CFAP54: variants seen among roughly 807,000 people sequenced by gnomAD.
CFAP54 encodes cilia and flagella associated protein 54, also known as cilia- and flagella-associated protein 54.
Under a neutral mutation model 370.4 loss-of-function variants are expected in CFAP54, and 290 were observed. That is an observed-to-expected ratio of 0.78 (90% CI 0.71 to 0.86). The LOEUF (loss-of-function observed/expected upper bound fraction) is 0.86, where lower values mean the gene tolerates loss of function less well. Ranked by LOEUF, CFAP54 falls within the 40% of genes least tolerant of loss-of-function variation. CFAP54 has a pLI of 0.00. For synonymous variants in CFAP54, 1,206 were observed against 1,236.5 expected (o/e 0.98, Z 0.52); for missense variants, 3,399 against 3,528.7 (o/e 0.96, Z 0.93).
intron 66 of CFAP54, among the ~76,000 whole-genome samples, chr12:96,853,946 A>C (rs986953741): frequency 6.6e-6 from 1 of 151,890 alleles, no homozygotes; most frequent in Non-Finnish European, 1.5e-5. Context: ...TGTATCTAGT[A>C]TATAAATTAT....
intron 50 of CFAP54, among the ~76,000 whole-genome samples, chr12:96,723,924 C>G (rs998053651): frequency 1.4e-5 from 2 of 147,092 alleles, no homozygotes; most frequent in African/African-American, 2.5e-5. Flanking sequence ...TGAGAACATG[C>G]GGTGTTTGGT....
chr12:96,704,433 A>G (rs1957523925), intron 46 of CFAP54, among the ~76,000 whole-genome samples: 2 of 129,962 alleles, frequency 1.5e-5, no homozygotes, highest in African/African-American at 2.9e-5. Flanking sequence ...TCTAAAAAAA[A>G]AAAAAAAAAT....
rs1955735141 is a variant in CFAP54, at chr12:96,554,794, A to G, written c.2402A>G (p.Lys801Arg). 1 of 1,533,420 alleles carries G rather than the reference A, an allele frequency of 6.5e-7. No homozygotes were observed. Among genetic ancestry groups the G allele is most frequent in the East Asian group, 2.4e-5 (1 of 40,820 alleles). 95.0% of individuals were successfully genotyped at this position (1,533,420 alleles called of 1,614,324 possible). A position where few individuals can be genotyped will look rare whatever the true frequency, so the allele number is the denominator to read the frequency against. ...CGAATAGCTGTTGTGCTTCTGGACA[A>G]ATTGCAAGGTAGTAGTCACTAAAGC... Reference protein sequence around the residue: ...QHRIAVVLLDKLQVLQTPTVS... With the variant: ...QHRIAVVLLDRLQVLQTPTVS... Residue 801 changes from lysine (K) to arginine (R), a missense_variant, in exon 17 of 68, where the codon AAA (lysine) becomes AGA (arginine). Transcript: ENST00000524981.
intron 62 of CFAP54, among the ~76,000 whole-genome samples, chr12:96,791,714 G>A (rs919136597): frequency 3.3e-5 from 5 of 152,126 alleles, no homozygotes; most frequent in African/African-American, 1.2e-4. Context: ...AAACCAAATA[G>A]GTGTTCCTAG....
Position 96,663,773 on chromosome 12 carries a change from C to T in CFAP54, c.5461-57C>T, listed in dbSNP as rs567678659. 365 of 1,267,136 alleles carry T rather than the reference C, an allele frequency of 2.9e-4. 2 individuals carry two copies. The highest frequency in any genetic ancestry group is 2.1e-3 in the Admixed American group (102 of 49,448). 78.5% of individuals were successfully genotyped at this position (1,267,136 alleles called of 1,614,324 possible). ...AAATGAGAGAAACATTTCAAGTAAG[C>T]GAAATTTTTAACTATAAATACCCGA... is the stretch of plus-strand genomic sequence containing the variant. On this transcript the variant is annotated intron_variant, in intron 38 of 67. Transcript: ENST00000524981.
chr12:96,492,225 A>C (rs774632288), intron 1 of CFAP54, among the ~76,000 whole-genome samples: 1 of 152,052 alleles, frequency 6.6e-6, no homozygotes, highest in Non-Finnish European at 1.5e-5. Context: ...ATCTTATCTA[A>C]AGTCTTTCTA....
At chr12:96,684,834 T>C in intron 41 of CFAP54, 99 bp downstream of exon 41, 1 of 1,111,842 alleles carries the variant, frequency 9.0e-7, no homozygotes, top group Non-Finnish European at 1.3e-6. Context: ...TAAATTTTAG[T>C]TCTTCAACAA....
At chr12:96,613,599 CA>C (rs1176887736) in intron 26 of CFAP54, among the ~76,000 whole-genome samples, 1 of 151,770 alleles carries the variant, frequency 6.6e-6, no homozygotes, top group Non-Finnish European at 1.5e-5. Context: ...TTGAAAAGAC[CA>C]ACAAAATTGA....
chr12:96,524,204 T>C (rs1325712728), intron 8 of CFAP54, among the ~76,000 whole-genome samples: 1 of 152,226 alleles, frequency 6.6e-6, no homozygotes, highest in African/African-American at 2.4e-5. Flanking sequence ...TTCAGACTCC[T>C]AATGATTGAT....
At chr12:96,846,739 G>A (rs559522245) in intron 66 of CFAP54, among the ~76,000 whole-genome samples, 1 of 152,228 alleles carries the variant, frequency 6.6e-6, no homozygotes, top group Admixed American at 6.5e-5. Flanking sequence ...CCTGGAATAG[G>A]GTATGAAGGG....
intron 55 of CFAP54, among the ~76,000 whole-genome samples, chr12:96,748,649 A>C (rs893971162): frequency 6.6e-6 from 1 of 152,096 alleles, no homozygotes; most frequent in African/African-American, 2.4e-5. Flanking sequence ...GTTTTTTCTC[A>C]GGGTTTGTTA....
chr12:96,522,673 A>G (rs1269506841), intron 8 of CFAP54, among the ~76,000 whole-genome samples: 1 of 152,254 alleles, frequency 6.6e-6, no homozygotes, highest in Non-Finnish European at 1.5e-5. Context: ...GCTTAAAACA[A>G]CAATTTATTG....
rs150681437 is a variant in CFAP54, at chr12:96,608,204, A to G, written c.3639+9437A>G. ...GTCATTCTTGAAAGAAAAATTTATTAGTAACCTTGACCTAAAACTTCCATT... is the reference window on the plus strand; with the variant it reads ...GTCATTCTTGAAAGAAAAATTTATTGGTAACCTTGACCTAAAACTTCCATT... On this transcript the variant is annotated intron_variant, in intron 26 of 67. Transcript: ENST00000524981. Among the ~76,000 whole-genome samples, 261 of 152,240 alleles carry G rather than the reference A, an allele frequency of 1.7e-3. 1 individual carries two copies. The highest frequency in any genetic ancestry group is 3.3e-3 in the Non-Finnish European group (227 of 68,002).
At chr12:96,706,124 T>C (rs1221814683) in intron 47 of CFAP54, among the ~76,000 whole-genome samples, 2 of 151,964 alleles carry the variant, frequency 1.3e-5, no homozygotes, top group Non-Finnish European at 2.9e-5. Flanking sequence ...CAATCAACAA[T>C]ACAGAAAAAC....
intron 60 of CFAP54, among the ~76,000 whole-genome samples, chr12:96,777,390 A>G (rs1444772402): frequency 6.7e-6 from 1 of 149,152 alleles, no homozygotes; most frequent in Non-Finnish European, 1.5e-5. Context: ...CTTGTTGCCC[A>G]GGCTGCTGGA....
At position 96,856,046 on chromosome 12, in the gene CFAP54, G is replaced by A. The variant is rs143488983; in HGVS notation, c.9172-4773G>A. Among the ~76,000 whole-genome samples the A allele has an allele frequency of 7.0e-3, 1,063 of 152,306 alleles. 10 individuals carry two copies. The highest frequency in any genetic ancestry group is 0.024 in the African/African-American group (1,006 of 41,562). On this transcript the variant is annotated intron_variant, in intron 66 of 67. Transcript: ENST00000524981. ...TGTGCACCCACAGGCTCAACACCAT[G>A]TGGAAACTGCCAAGGCTTGGGGCTT...
intron 66 of CFAP54, among the ~76,000 whole-genome samples, chr12:96,833,747 G>A (rs1402895592): frequency 6.6e-6 from 1 of 151,976 alleles, no homozygotes; most frequent in Admixed American, 6.6e-5. Context: ...ACCTAGCATA[G>A]TGCCTGATAA....
chr12:96,692,401 GT>G (rs5800267), intron 44 of CFAP54, among the ~76,000 whole-genome samples: 131,801 of 151,402 alleles, frequency 0.87, 57,714 homozygotes, highest in African/African-American at 0.96. Context: ...AAGAAATGAG[GT>G]TTTTTTTTTC....
At position 96,538,481 on chromosome 12, in the gene CFAP54, A is replaced by T. The variant is rs1235555182; in HGVS notation, c.1889A>T (p.Asp630Val). The T allele has an allele frequency of 6.5e-7, 1 of 1,536,218 alleles. No individual in the cohort carries two copies. ...GIQRLNISRN[D>V]YAKFTQKIST... ...CAGCGGCTCAATATATCCAGAAATG[A>T]CTATGCAAAATTCACCCAGAAAATC... The change falls in exon 13 of 68, where the codon GAC becomes GTC. Residue 630 changes from aspartate to valine, a missense_variant. By Grantham distance (152) the Asp-to-Val change is radical (BLOSUM62 -3). Around this residue, in one of 3 missense-constraint regions of CFAP54, gnomAD observed 2,796 missense variants for 2,869.7 expected, o/e 0.97. Transcript: ENST00000524981.
Sources: gnomAD v4.1 joint callset for allele counts (sites outside exome capture counted in the v4.1 genomes callset) on GRCh38, gnomAD v4.1.1 for gene constraint, gnomAD v4.1.1 regional missense constraint, MANE v1.5 for transcripts, NCBI Gene and HGNC (gene_info 2026-07-23, HGNC 2026-07-21) for gene names.